DLGAP1: variants seen among roughly 807,000 people sequenced by gnomAD.
The protein encoded by DLGAP1 is DLG associated protein 1.
In DLGAP1, 11 loss-of-function variants were observed where a neutral mutation model predicts 90.8. The observed-to-expected ratio is 0.12, with a 90% CI of 0.08 to 0.20. DLGAP1 has a LOEUF of 0.20. DLGAP1 is among the 10% of genes least tolerant of loss of function. The pLI is 1.00. For missense variants in DLGAP1, 1,050 were observed against 1,333.8 expected, an observed-to-expected ratio of 0.79 and a Z score of 3.31; for synonymous variants, 558 against 540.7, an observed-to-expected ratio of 1.03 and a Z score of -0.44.
intron 9 of DLGAP1, among the ~76,000 whole-genome samples, chr18:3,543,356 G>A (rs895354037): frequency 6.6e-6 from 1 of 151,916 alleles, no homozygotes; most frequent in South Asian, 2.1e-4. Context: ...ATTTTTAGAC[G>A]GGGTTTCACC....
chr18:4,103,580 C>T (rs1455119737), intron 2 of DLGAP1, among the ~76,000 whole-genome samples: 1 of 152,038 alleles, frequency 6.6e-6, no homozygotes, highest in African/African-American at 2.4e-5. Context: ...TCTCCTGTCA[C>T]CCCACTACAC....
intron 3 of DLGAP1, among the ~76,000 whole-genome samples, chr18:3,936,023 G>A (rs1316426478): frequency 6.6e-6 from 1 of 152,136 alleles, no homozygotes; most frequent in East Asian, 1.9e-4. Flanking sequence ...ACAATACAGA[G>A]TACTCTCTTG....
At chr18:3,811,692 T>A (rs1000243250) in intron 5 of DLGAP1, among the ~76,000 whole-genome samples, 1 of 152,190 alleles carries the variant, frequency 6.6e-6, no homozygotes, top group African/African-American at 2.4e-5. Context: ...TCTGAAAACT[T>A]CTGAGCAGTA....
At chr18:4,040,817 G>T (rs1325739343) in intron 2 of DLGAP1, among the ~76,000 whole-genome samples, 3 of 152,172 alleles carry the variant, frequency 2.0e-5, no homozygotes, top group African/African-American at 7.2e-5. Flanking sequence ...GTTCTTTTTA[G>T]GCAAGTTTCA....
chr18:4,317,124 G>A (rs957503061), intron 1 of DLGAP1, among the ~76,000 whole-genome samples: 1 of 152,172 alleles, frequency 6.6e-6, no homozygotes, highest in African/African-American at 2.4e-5. Flanking sequence ...ATGTGAAAAT[G>A]TAGGGGGGAA....
In DLGAP1 at chr18:3,496,116, A is replaced by G. The variant is rs766731664; in HGVS notation, c.*3069T>C. 5.9e-5 allele frequency: 9 copies of G among 152,326 alleles called. No homozygotes were observed. Among genetic ancestry groups the G allele is most frequent in the Non-Finnish European group, 1.2e-4 (8 of 68,024 alleles). 9.4% of individuals were successfully genotyped at this position (152,326 alleles called of 1,614,324 possible). A position where few individuals can be genotyped will look rare whatever the true frequency, so the allele number is the denominator to read the frequency against. ...ATTTACAATATTTTTTTGTTCACAC[A>G]CAATCTAGGTAAATAAGCCTATGAA... is the stretch of plus-strand genomic sequence containing the variant. On this transcript the variant is annotated 3_prime_UTR_variant, in exon 13 of 13. Coordinates refer to ENST00000315677, the MANE Select transcript of DLGAP1 (RefSeq NM_004746.4).
chr18:3,732,609 A>C (rs1346577448), intron 6 of DLGAP1, among the ~76,000 whole-genome samples: 3 of 152,232 alleles, frequency 2.0e-5, no homozygotes, highest in African/African-American at 7.2e-5. Context: ...GATGGTTTTA[A>C]GTCAATTGAA....
chr18:4,007,377 C>T (rs1043404530), intron 2 of DLGAP1, among the ~76,000 whole-genome samples: 1 of 152,012 alleles, frequency 6.6e-6, no homozygotes, highest in South Asian at 2.1e-4. Flanking sequence ...CATTGCTGGC[C>T]GGGTGCAGTG....
At chr18:4,303,454 C>T (rs1038190310) in intron 1 of DLGAP1, among the ~76,000 whole-genome samples, 9 of 152,150 alleles carry the variant, frequency 5.9e-5, no homozygotes, top group Admixed American at 3.3e-4. Flanking sequence ...CACAAACCTC[C>T]CTCTGGTAGT....
intron 4 of DLGAP1, among the ~76,000 whole-genome samples, chr18:3,870,859 G>C (rs2070710022): frequency 6.6e-6 from 1 of 152,150 alleles, no homozygotes; most frequent in Non-Finnish European, 1.5e-5. Context: ...TTGCTACGTG[G>C]TTTACCATGA....
At chr18:4,368,712 C>G (rs995993468) in intron 1 of DLGAP1, among the ~76,000 whole-genome samples, 5 of 150,400 alleles carry the variant, frequency 3.3e-5, no homozygotes, top group African/African-American at 1.2e-4. Context: ...TCTAGAGAAC[C>G]ATGACTACTG....
chr18:4,294,771 G>A (rs1004509098), intron 1 of DLGAP1: 4 of 152,324 alleles, frequency 2.6e-5, no homozygotes, highest in Admixed American at 6.5e-5. Flanking sequence ...GGTGACACAG[G>A]GACTTGAAGG....
At chr18:4,183,077 C>T (rs571041188) in intron 1 of DLGAP1, among the ~76,000 whole-genome samples, 2 of 152,086 alleles carry the variant, frequency 1.3e-5, no homozygotes, top group Admixed American at 1.3e-4. Context: ...CAAAACAGAC[C>T]ATCAGAAACC....
chr18:4,148,042 G>A (rs748085692), intron 2 of DLGAP1, among the ~76,000 whole-genome samples: 4 of 152,128 alleles, frequency 2.6e-5, no homozygotes, highest in Non-Finnish European at 4.4e-5. Context: ...GTTGGGCACG[G>A]AAAAAGCCCC....
chr18:3,763,406 T>G (rs917366549), intron 5 of DLGAP1, among the ~76,000 whole-genome samples: 1 of 152,176 alleles, frequency 6.6e-6, no homozygotes, highest in Non-Finnish European at 1.5e-5. Context: ...AGCTTGCAGA[T>G]AGTTTATTGT....
intron 7 of DLGAP1, among the ~76,000 whole-genome samples, chr18:3,645,033 G>T (rs1442088503): frequency 6.6e-6 from 1 of 152,178 alleles, no homozygotes; most frequent in East Asian, 1.9e-4. Context: ...GGTCATGGTA[G>T]GTTACCTGTT....
Position 3,615,595 on chromosome 18 carries a change from G to A in DLGAP1, c.1592-33347C>T, listed in dbSNP as rs147704413. ...GTCTGGCCAGTAGGAAAATGGAGCCGATGGAGATGGGGGAGGCCAAGAAAG... is the reference window on the plus strand; with the variant it reads ...GTCTGGCCAGTAGGAAAATGGAGCCAATGGAGATGGGGGAGGCCAAGAAAG... On this transcript the variant is annotated intron_variant, in intron 7 of 12. Coordinates refer to ENST00000315677, the MANE Select transcript of DLGAP1 (RefSeq NM_004746.4). 4.1e-3 allele frequency among the ~76,000 whole-genome samples: 627 copies of A among 152,270 alleles called. 9 individuals carry two copies. Among genetic ancestry groups the A allele is most frequent in the African/African-American group, 0.014 (600 of 41,552 alleles).
intron 1 of DLGAP1, among the ~76,000 whole-genome samples, chr18:4,298,819 C>A (rs534392990): frequency 6.6e-6 from 1 of 151,770 alleles, no homozygotes; most frequent in Non-Finnish European, 1.5e-5. Context: ...CAGTGGCTCA[C>A]GCCTGTAATC....
At chr18:4,055,027 G>A (rs2075192994) in intron 2 of DLGAP1, among the ~76,000 whole-genome samples, 3 of 152,174 alleles carry the variant, frequency 2.0e-5, no homozygotes, top group African/African-American at 7.2e-5. Context: ...TTGATGGTAT[G>A]TTTTCCGTTC....
Sources: gnomAD v4.1 joint callset for allele counts (sites outside exome capture counted in the v4.1 genomes callset) on GRCh38, gnomAD v4.1.1 for gene constraint, MANE v1.5 for transcripts, NCBI Gene and HGNC (gene_info 2026-07-23, HGNC 2026-07-21) for gene names.